The following FOXP2 variants were observed in gnomAD, a reference collection of about 807,000 sequenced individuals.
FOXP2 encodes the protein forkhead box protein P2.
Under a neutral mutation model 115.8 loss-of-function variants are expected in FOXP2, and 12 were observed. The observed-to-expected ratio is 0.10, with a 90% CI of 0.07 to 0.17. The LOEUF (loss-of-function observed/expected upper bound fraction) is 0.17. Ranked by LOEUF, FOXP2 falls within the 10% of genes least tolerant of loss-of-function variation. FOXP2 has a pLI of 1.00. For synonymous variants in FOXP2, 328 were observed against 297.7 expected (o/e 1.10, Z -1.05); for missense variants, 629 against 843.5 (o/e 0.75, Z 3.15).
At chr7:114,242,555 T>C (rs79692521) in intron 1 of FOXP2, among the ~76,000 whole-genome samples, 2,872 of 152,248 alleles carry the variant, frequency 0.019, 80 homozygotes, top group African/African-American at 0.057. Context: ...TCCTCCAGGA[T>C]TGACAACTGA....
At chr7:114,645,078 T>C (rs1805801793) in intron 8 of FOXP2, 1 of 173,740 alleles carries the variant, frequency 5.8e-6, no homozygotes, top group South Asian at 1.1e-4. Flanking sequence ...ATTTATAAAA[T>C]AGAATTCTCT....
chr7:114,394,732 G>T (rs1725341471), intron 2 of FOXP2, among the ~76,000 whole-genome samples: 1 of 152,040 alleles, frequency 6.6e-6, no homozygotes, highest in African/African-American at 2.4e-5. Flanking sequence ...CCAAAATTAA[G>T]GGACATCTAC....
Position 114,628,873 on chromosome 7 carries a change from A to G in FOXP2, c.396+196A>G, listed in dbSNP as rs1175580619. 5 of 630,238 alleles carry G rather than the reference A, an allele frequency of 7.9e-6. No homozygotes were observed. The Admixed American group carries it at 8.9e-5, about 11-fold the overall frequency. 39.0% of individuals were successfully genotyped at this position (630,238 alleles called of 1,614,324 possible). Reference sequence around the variant, plus strand: ...GATTGCTTATTTTTTTAAAAAAATTATTAAAGTCTAGAATAAGAGCAGAGA... The same window carrying G: ...GATTGCTTATTTTTTTAAAAAAATTGTTAAAGTCTAGAATAAGAGCAGAGA... On this transcript the variant is annotated intron_variant, in intron 4 of 16. Transcript: ENST00000350908.
intron 2 of FOXP2, among the ~76,000 whole-genome samples, chr7:114,312,910 TTC>T (rs1252125419): frequency 6.6e-6 from 1 of 152,198 alleles, no homozygotes; most frequent in Non-Finnish European, 1.5e-5. Context: ...AATCAAGGGC[TTC>T]TTGGCACACC....
chr7:114,393,056 A>G (rs1368164195), intron 2 of FOXP2, among the ~76,000 whole-genome samples: 1 of 152,140 alleles, frequency 6.6e-6, no homozygotes, highest in African/African-American at 2.4e-5. Flanking sequence ...TTCAGTATAT[A>G]ATGAACTTAG....
At chr7:114,664,538 T>C (rs1196107800) in intron 16 of FOXP2, 102 bp downstream of exon 16, 1 of 1,390,152 alleles carries the variant, frequency 7.2e-7, no homozygotes, top group African/African-American at 1.4e-5. Context: ...AAGTTGAAAA[T>C]ACAAATTTAA....
intron 16 of FOXP2, chr7:114,669,729 A>T (rs1414623693): frequency 6.6e-6 from 1 of 152,078 alleles, no homozygotes; most frequent in African/African-American, 2.4e-5. Context: ...TAGACTTGGA[A>T]GATGAACGCA....
intron 1 of FOXP2, among the ~76,000 whole-genome samples, chr7:114,150,221 T>C (rs1792496257): frequency 6.6e-6 from 1 of 152,042 alleles, no homozygotes. Context: ...TAGTTATCTT[T>C]TTAGCATGCA....
At chr7:114,534,106 C>T (rs576212789) in intron 2 of FOXP2, among the ~76,000 whole-genome samples, 2 of 151,876 alleles carry the variant, frequency 1.3e-5, no homozygotes, top group East Asian at 3.9e-4. Flanking sequence ...AGAGGTTTCC[C>T]CTTGAATTGT....
chr7:114,608,864 C>T (rs78607823), intron 3 of FOXP2, among the ~76,000 whole-genome samples: 2,780 of 152,150 alleles, frequency 0.018, 39 homozygotes, highest in Non-Finnish European at 0.027. Flanking sequence ...AAATTCACTA[C>T]CAGATGCAGA....
At chr7:114,343,921 C>T (rs1017955347) in intron 2 of FOXP2, among the ~76,000 whole-genome samples, 19 of 151,558 alleles carry the variant, frequency 1.3e-4, no homozygotes, top group African/African-American at 4.4e-4. Flanking sequence ...TTATTGTCTT[C>T]CTCACCCCCA....
intron 2 of FOXP2, among the ~76,000 whole-genome samples, chr7:114,493,627 C>A (rs1358343368): frequency 6.6e-6 from 1 of 151,958 alleles, no homozygotes; most frequent in African/African-American, 2.4e-5. Context: ...TACCCAGAAG[C>A]ACTTTATCTC....
intron 3 of FOXP2, among the ~76,000 whole-genome samples, chr7:114,575,303 A>AT (rs1399206960): frequency 4.0e-5 from 6 of 151,890 alleles, no homozygotes; most frequent in Non-Finnish European, 1.5e-5. Flanking sequence ...CATAGTAAAC[A>AT]TGCAATAGAT....
In FOXP2 at chr7:114,106,267, C is replaced by CATATGT. The variant is rs1791113124; in HGVS notation, c.-247+18431_-247+18432insATGTAT. On this transcript the variant is annotated intron_variant, in intron 1 of 19. Coordinates refer to the FOXP2 transcript ENST00000635638. ...ATGAATTTAAAACCATATTTGTAAA[C>CATATGT]ATCCAACATAGTAACTGCCAGGTAG... Among the ~76,000 whole-genome samples the CATATGT allele has an allele frequency of 3.3e-5, 5 of 151,712 alleles. No homozygotes were observed. In the South Asian group the frequency reaches 1.0e-3, roughly 31 times the overall value.
intron 2 of FOXP2, among the ~76,000 whole-genome samples, chr7:114,299,265 T>C (rs6973908): frequency 0.023 from 3,515 of 152,196 alleles, 92 homozygotes; most frequent in African/African-American, 0.055. Flanking sequence ...GGTGAAGATG[T>C]ATGGACACCC....
chr7:114,662,205 T>G lies in FOXP2; in HGVS notation c.1769+19T>G. On this transcript the variant is annotated intron_variant, in intron 14 of 16. Coordinates refer to ENST00000350908, the MANE Select transcript of FOXP2 (RefSeq NM_014491.4). The stretch of plus-strand genomic sequence containing the variant: ...TAACAGGGTATGTTTGTGATAGTTT[T>G]GTAATCCTGTATCCTGCATCCACCA... 4 of 1,611,866 alleles carry G rather than the reference T, an allele frequency of 2.5e-6. No homozygotes were observed. Among genetic ancestry groups the G allele is most frequent in the Non-Finnish European group, 3.4e-6 (4 of 1,178,432 alleles).
At chr7:114,495,785 G>A (rs1215126344) in intron 2 of FOXP2, among the ~76,000 whole-genome samples, 1 of 151,960 alleles carries the variant, frequency 6.6e-6, no homozygotes, top group Non-Finnish European at 1.5e-5. Context: ...GGGATTACAG[G>A]CATAAGCAAC....
chr7:114,628,817 A>C (rs918204348), intron 4 of FOXP2, 140 bp downstream of exon 4: 4 of 1,000,286 alleles, frequency 4.0e-6, no homozygotes, highest in Non-Finnish European at 6.0e-6. Flanking sequence ...TAAATGTAAC[A>C]TTTTAATTAT....
At chr7:114,491,506 T>G (rs942448867) in intron 2 of FOXP2, among the ~76,000 whole-genome samples, 1 of 151,856 alleles carries the variant, frequency 6.6e-6, no homozygotes, top group African/African-American at 2.4e-5. Context: ...AGCTCTTTAG[T>G]TTAATTAGAT....
Sources: allele counts gnomAD v4.1 joint callset (sites outside exome capture counted in the v4.1 genomes callset), GRCh38; gene constraint gnomAD v4.1.1; transcripts MANE v1.5; gene names NCBI Gene and HGNC (gene_info 2026-07-23, HGNC 2026-07-21).